Variants in ATP8A1 observed in about 807,000 individuals in gnomAD.
The protein encoded by ATP8A1 is phospholipid-transporting ATPase IA.
ATP8A1 carries 90 observed loss-of-function variants against 177.7 expected under a neutral mutation model. The ratio of observed to expected loss-of-function variants is 0.51; its 90% CI spans 0.43 to 0.60. The LOEUF is 0.60. Ranked by LOEUF, ATP8A1 falls within the 20% of genes least tolerant of loss-of-function variation. ATP8A1 has a pLI of 0.00. For missense variants in ATP8A1, 1,072 were observed against 1,392.8 expected (o/e 0.77, Z 3.67); for synonymous variants, 493 against 485.9 (o/e 1.01, Z -0.19).
intron 1 of ATP8A1, among the ~76,000 whole-genome samples, chr4:42,635,812 C>CAT (rs1324939916): frequency 4.8e-4 from 33 of 69,174 alleles, no homozygotes; most frequent in African/African-American, 1.2e-3. Context: ...TATATATATA[C>CAT]ACATGTATGT....
chr4:42,566,073 C>G (rs937781037), intron 15 of ATP8A1, among the ~76,000 whole-genome samples: 1 of 152,094 alleles, frequency 6.6e-6, no homozygotes, highest in African/African-American at 2.4e-5. Context: ...ATTAATACAC[C>G]TAAGCGAGTA....
chr4:42,536,582 C>A (rs1454803179), intron 20 of ATP8A1, among the ~76,000 whole-genome samples: 3 of 152,182 alleles, frequency 2.0e-5, no homozygotes, highest in African/African-American at 4.8e-5. Flanking sequence ...AAGAGGGAAT[C>A]CTTTCAGAGT....
intron 4 of ATP8A1, among the ~76,000 whole-genome samples, chr4:42,622,800 G>A (rs562909248): frequency 9.4e-4 from 143 of 152,094 alleles, no homozygotes; most frequent in African/African-American, 3.3e-3. Context: ...GCCTGAGGTC[G>A]GGAGTTCGAG....
intron 31 of ATP8A1, among the ~76,000 whole-genome samples, chr4:42,446,171 C>T (rs6834799): frequency 0.2 from 30,168 of 150,938 alleles, 3,163 homozygotes; most frequent in Non-Finnish European, 0.23. Flanking sequence ...AAAGTGTCCC[C>T]AGGAGACATC....
intron 4 of ATP8A1, among the ~76,000 whole-genome samples, chr4:42,624,008 T>C (rs1453849230): frequency 6.6e-6 from 1 of 152,142 alleles, no homozygotes; most frequent in Non-Finnish European, 1.5e-5. Flanking sequence ...AGAGTTAGTT[T>C]TATAAAGGAG....
At chr4:42,514,221 G>GC (rs564514840) in intron 22 of ATP8A1, among the ~76,000 whole-genome samples, 1 of 152,084 alleles carries the variant, frequency 6.6e-6, no homozygotes, top group Non-Finnish European at 1.5e-5. Flanking sequence ...CAAAGCCAAG[G>GC]GCTTAGTTAT....
chr4:42,575,378 T>C (rs114222647), intron 13 of ATP8A1, among the ~76,000 whole-genome samples: 65 of 152,352 alleles, frequency 4.3e-4, no homozygotes, highest in African/African-American at 1.5e-3. Flanking sequence ...AGCTTGACTA[T>C]ATACCAAGGG....
chr4:42,471,790 C>T (rs922919333), intron 25 of ATP8A1: 11 of 466,374 alleles, frequency 2.4e-5, no homozygotes, highest in South Asian at 7.6e-5. Flanking sequence ...CCTAGGCTGG[C>T]GCTTAGCAAG....
chr4:42,490,536 C>T (rs145766734), intron 24 of ATP8A1, among the ~76,000 whole-genome samples: 57 of 152,338 alleles, frequency 3.7e-4, no homozygotes, highest in African/African-American at 1.2e-3. Context: ...AACATTTATA[C>T]ATTTATAGCA....
intron 16 of ATP8A1, among the ~76,000 whole-genome samples, chr4:42,554,691 T>C (rs1729871681): frequency 2.0e-5 from 3 of 152,202 alleles, no homozygotes. Context: ...GAAGACTCTA[T>C]AACTTGATCT....
chr4:42,582,500 C>G, intron 9 of ATP8A1, among the ~76,000 whole-genome samples: 1 of 136,938 alleles, frequency 7.3e-6, no homozygotes, highest in Non-Finnish European at 1.6e-5. Flanking sequence ...ACCCACCCCC[C>G]ACACACTCTC....
At chr4:42,605,169 T>A (rs1388758870) in intron 5 of ATP8A1, among the ~76,000 whole-genome samples, 1 of 152,220 alleles carries the variant, frequency 6.6e-6, no homozygotes, top group East Asian at 1.9e-4. Context: ...TTATATGGTA[T>A]GTGAACTATA....
chr4:42,590,391 G>T (rs1393892865), intron 7 of ATP8A1, among the ~76,000 whole-genome samples: 2 of 152,072 alleles, frequency 1.3e-5, no homozygotes, highest in African/African-American at 4.8e-5. Context: ...TAAAATACAA[G>T]AATAAGACAT....
In ATP8A1 at chr4:42,460,363, T is replaced by C. The variant is rs371477972; in HGVS notation, c.2619+4327A>G. On this transcript the variant is annotated intron_variant, in intron 27 of 36. Transcript: ENST00000381668. Reference sequence around the variant, plus strand: ...TAAAGGATAGAATATGATTTCCATATAGCAAATGGATGGATCTTTTTTTTT... The same window carrying C: ...TAAAGGATAGAATATGATTTCCATACAGCAAATGGATGGATCTTTTTTTTT... Among the ~76,000 whole-genome samples the C allele has an allele frequency of 3.3e-5, 5 of 149,456 alleles. No homozygotes were observed. The South Asian group carries it at 8.4e-4, about 25-fold the overall frequency.
chr4:42,523,657 CTA>C (rs1308145134), intron 21 of ATP8A1, among the ~76,000 whole-genome samples: 1 of 152,110 alleles, frequency 6.6e-6, no homozygotes, highest in Non-Finnish European at 1.5e-5. Flanking sequence ...CCATTAAAAT[CTA>C]TGAGTTGAGT....
In ATP8A1 at chr4:42,423,689, C is replaced by T. The variant is rs1425303424; in HGVS notation, c.3140G>A (p.Ser1047Asn). 1 of 1,612,088 alleles carries T rather than the reference C, an allele frequency of 6.2e-7. No homozygotes were observed. The highest frequency in any genetic ancestry group is 1.1e-5 in the South Asian group (1 of 90,394). The change falls in exon 34 of 37, where the codon AGT becomes AAT. Residue 1047 changes from serine to asparagine, a missense_variant. This residue lies in a region of ATP8A1 where 316 missense variants were observed against 459.1 expected (regional missense o/e 0.69). Transcript: ENST00000381668. ...DMSGEAAMLF[S>N]SGVFWMGLLF... ...CAAGCCCATCCAAAAGACTCCAGAACTGAACAACATGGCTGCCTGTGTAAA... is the reference window on the plus strand; with the variant it reads ...CAAGCCCATCCAAAAGACTCCAGAATTGAACAACATGGCTGCCTGTGTAAA...
At chr4:42,589,358 T>C (rs1733933012) in intron 7 of ATP8A1, among the ~76,000 whole-genome samples, 1 of 152,082 alleles carries the variant, frequency 6.6e-6, no homozygotes, top group Non-Finnish European at 1.5e-5. Flanking sequence ...AAGAAAAAAA[T>C]TTACAAATTA....
intron 20 of ATP8A1, among the ~76,000 whole-genome samples, chr4:42,534,357 C>T (rs906624524): frequency 6.6e-6 from 1 of 152,004 alleles, no homozygotes; most frequent in Non-Finnish European, 1.5e-5. Flanking sequence ...ATGAAGGCCA[C>T]ACTTAGAGAA....
intron 24 of ATP8A1, among the ~76,000 whole-genome samples, chr4:42,495,816 A>C (rs543934642): frequency 4.6e-5 from 7 of 152,228 alleles, no homozygotes; most frequent in Non-Finnish European, 1.0e-4. Context: ...GCTTAGAGGA[A>C]GGCGGCCCAA....
Sources: gnomAD v4.1 joint callset for allele counts (sites outside exome capture counted in the v4.1 genomes callset) on GRCh38, gnomAD v4.1.1 for gene constraint, gnomAD v4.1.1 regional missense constraint, MANE v1.5 for transcripts, NCBI Gene and HGNC (gene_info 2026-07-23, HGNC 2026-07-21) for gene names.